Variants in ADRA1B observed in about 807,000 individuals in gnomAD.
The protein encoded by ADRA1B is adrenoceptor alpha 1B.
A neutral mutation model predicts 17.9 loss-of-function variants in ADRA1B; 17 were observed. The observed-to-expected ratio is 0.95, with a 90% CI of 0.65 to 1.42. The LOEUF (loss-of-function observed/expected upper bound fraction) is 1.42. Among genes scored for constraint, ADRA1B ranks in the 40% most tolerant of loss-of-function variants. The probability of loss-of-function intolerance (pLI) is 0.00; values close to 1 mark genes in which losing one functional copy is unlikely to be tolerated. For missense variants in ADRA1B, 681 were observed against 722.1 expected (o/e 0.94, Z 0.65); for synonymous variants, 366 against 327.6 (o/e 1.12, Z -1.27).
the ADRA1B span, among the ~76,000 whole-genome samples, chr5:159,979,195 C>T: frequency 5.3e-5 from 8 of 152,202 alleles, no homozygotes; most frequent in South Asian, 4.1e-4. Context: ...ACCTTACATA[C>T]AAGGTAGAAA....
the ADRA1B span, among the ~76,000 whole-genome samples, chr5:159,988,092 T>A: frequency 6.6e-6 from 1 of 152,098 alleles, no homozygotes; most frequent in South Asian, 2.1e-4. Context: ...CAAGGGGTCT[T>A]ATAAGAGGAA....
intron 1 of ADRA1B, among the ~76,000 whole-genome samples, chr5:159,881,341 C>G (rs1352887319): frequency 1.3e-5 from 2 of 150,922 alleles, no homozygotes; most frequent in Non-Finnish European, 3.0e-5. Flanking sequence ...CTCTCTCTCT[C>G]TCTCTGCCCT....
intron 1 of ADRA1B, among the ~76,000 whole-genome samples, chr5:159,957,376 C>A (rs568035489): frequency 6.6e-6 from 1 of 151,228 alleles, no homozygotes; most frequent in African/African-American, 2.4e-5. Context: ...TGCCATTGTG[C>A]GCACCTTTAG....
chr5:159,867,028 T>A (rs981360688), intron 1 of ADRA1B: 6 of 152,206 alleles, frequency 3.9e-5, no homozygotes, highest in African/African-American at 1.4e-4. Context: ...CTTGAAGCGA[T>A]GTCCAACCTG....
chr5:159,889,303 C>A (rs1430419318), intron 1 of ADRA1B, among the ~76,000 whole-genome samples: 1 of 152,160 alleles, frequency 6.6e-6, no homozygotes, highest in Non-Finnish European at 1.5e-5. Context: ...CCATAGTTCT[C>A]CAATTCAAGG....
intron 1 of ADRA1B, among the ~76,000 whole-genome samples, chr5:159,873,615 C>A (rs1490056591): frequency 6.6e-6 from 1 of 152,240 alleles, no homozygotes; most frequent in Admixed American, 6.5e-5. Context: ...CTGACTATGA[C>A]AGCCTATGAC....
Position 159,917,843 on chromosome 5 carries a change from C to T in ADRA1B, c.938C>T (p.Ala313Val), listed in dbSNP as rs1357001467. Residue 313 changes from alanine (A) to valine (V), a missense_variant, in exon 1 of 2, where the codon GCT becomes GTT. Ala to Val is a moderately conservative substitution (Grantham distance 64, BLOSUM62 0). Around this residue, in one of 3 missense-constraint regions of ADRA1B, gnomAD observed 424 missense variants for 480.2 expected, o/e 0.88. Coordinates refer to ENST00000306675, the MANE Select transcript of ADRA1B (RefSeq NM_000679.4). ...FILCWLPFFI[A>V]LPLGSLFSTL... is the part of the protein sequence containing the mutation. ...TTGTGCTGGCTACCCTTCTTCATCG[C>T]TCTACCGCTTGGTAAGTTGGGGACT... 1 of 1,602,766 alleles carries T rather than the reference C, an allele frequency of 6.2e-7. No homozygotes were observed. Among genetic ancestry groups the T allele is most frequent in the Non-Finnish European group, 8.5e-7 (1 of 1,175,610 alleles).
intron 1 of ADRA1B, among the ~76,000 whole-genome samples, chr5:159,945,633 G>A (rs1316796754): frequency 6.6e-6 from 1 of 152,198 alleles, no homozygotes; most frequent in African/African-American, 2.4e-5. Context: ...TATCCTGTGA[G>A]GCCTTGTAGG....
Position 159,972,281 on chromosome 5 carries a change from G to A in ADRA1B, c.1352G>A (p.Gly451Asp), listed in dbSNP as rs1174081502. Residue 451 changes from glycine to aspartate, a missense_variant, in exon 2 of 2, where the codon GGC (glycine) becomes GAC (aspartate). By Grantham distance (94) the Gly-to-Asp change is moderately conservative. Coordinates refer to ENST00000306675, the MANE Select transcript of ADRA1B (RefSeq NM_000679.4). ...LCAFPEWKAPGALLSLPAPEP... is the reference protein window; with the variant it reads ...LCAFPEWKAPDALLSLPAPEP... ...GCCTTCCCCGAGTGGAAGGCGCCCG[G>A]CGCCCTCCTGAGCCTGCCCGCGCCT... The A allele has an allele frequency of 4.4e-6, 6 of 1,372,718 alleles. No individual in the cohort carries two copies. Among genetic ancestry groups the A allele is most frequent in the Non-Finnish European group, 5.6e-6 (6 of 1,065,702 alleles). 85.0% of individuals were successfully genotyped at this position (1,372,718 alleles called of 1,614,324 possible). A position where few individuals can be genotyped will look rare whatever the true frequency, so the allele number is the denominator to read the frequency against.
rs544545819 is a variant in ADRA1B, at chr5:159,909,849, G to T, written c.-255-6270G>T. Among the ~76,000 whole-genome samples, 10 of 152,328 alleles carry T rather than the reference G, an allele frequency of 6.6e-5. No individual in the cohort carries two copies. In the South Asian group the frequency reaches 2.1e-3, roughly 32 times the overall value. Reference sequence around the variant, plus strand: ...AACAAAATGGAAATCAATTGATCAAGGGGCCCTGCCAAGGACTTGGCACTT... The same window carrying T: ...AACAAAATGGAAATCAATTGATCAATGGGCCCTGCCAAGGACTTGGCACTT... On this transcript the variant is annotated intron_variant, in intron 1 of 2. Coordinates refer to the ADRA1B transcript ENST00000641205.
rs1754349019 is a variant in ADRA1B, at chr5:159,917,383, A to T, written c.478A>T (p.Arg160Trp). ...SLQYPTLVTR[R>W]KAILALLSVW... The stretch of plus-strand genomic sequence containing the variant: ...GCAGTATCCCACGCTGGTCACCCGG[A>T]GGAAGGCCATCTTGGCGCTGCTCAG... Residue 160 changes from arginine (R) to tryptophan (W), a missense_variant, in exon 1 of 2, where the codon AGG becomes TGG. This residue lies in a region of ADRA1B where 424 missense variants were observed against 480.2 expected (regional missense o/e 0.88). Coordinates refer to ENST00000306675, the MANE Select transcript of ADRA1B (RefSeq NM_000679.4). 2 of 1,614,004 alleles carry T rather than the reference A, an allele frequency of 1.2e-6. No homozygotes were observed. Among genetic ancestry groups the T allele is most frequent in the Non-Finnish European group, 1.7e-6 (2 of 1,180,028 alleles).
At chr5:159,911,236 T>C (rs1355153898) in intron 1 of ADRA1B, among the ~76,000 whole-genome samples, 1 of 152,158 alleles carries the variant, frequency 6.6e-6, no homozygotes, top group Non-Finnish European at 1.5e-5. Context: ...GCCAGAGCCA[T>C]TCAAGAAGGC....
chr5:159,899,676 G>A (rs550489544), intron 1 of ADRA1B, among the ~76,000 whole-genome samples: 35 of 152,320 alleles, frequency 2.3e-4, no homozygotes, highest in African/African-American at 8.4e-4. Context: ...GCACCCGGCA[G>A]CCCTACTCCT....
chr5:159,959,634 A>G (rs556697815), intron 1 of ADRA1B, among the ~76,000 whole-genome samples: 1 of 152,330 alleles, frequency 6.6e-6, no homozygotes, highest in East Asian at 1.9e-4. Context: ...ATTACATGGC[A>G]CTGAATTATC....
intron 1 of ADRA1B, among the ~76,000 whole-genome samples, chr5:159,881,198 A>AG (rs1350387668): frequency 2.0e-5 from 3 of 151,550 alleles, no homozygotes; most frequent in Non-Finnish European, 4.4e-5. Context: ...AAAAAAAAAA[A>AG]AAAAAAAAAT....
chr5:159,880,440 T>C lies in ADRA1B; in HGVS notation c.-256+15234T>C, dbSNP rs532020743. Among the ~76,000 whole-genome samples, 19 of 152,332 alleles carry C rather than the reference T, an allele frequency of 1.2e-4. No individual in the cohort carries two copies. In the South Asian group the frequency reaches 3.5e-3, roughly 28 times the overall value. The stretch of plus-strand genomic sequence containing the variant: ...AACAGGCCTATAGAAGTTAAATAAC[T>C]GGCCTAAAATTACAAAGACCATGTG... On this transcript the variant is annotated intron_variant, in intron 1 of 2. Coordinates refer to the ADRA1B transcript ENST00000641205.
At chr5:159,965,815 C>T (rs895758948) in intron 1 of ADRA1B, among the ~76,000 whole-genome samples, 139 of 152,274 alleles carry the variant, frequency 9.1e-4, no homozygotes, top group African/African-American at 3.1e-3. Context: ...TCTCTGACTT[C>T]ATGAGGGATC....
chr5:159,975,688 C>A (rs10214093), downstream of ADRA1B, among the ~76,000 whole-genome samples: 6,407 of 152,256 alleles, frequency 0.042, 218 homozygotes, highest in Middle Eastern at 0.085. Flanking sequence ...TGGCTTACAT[C>A]CCCTAGAGGG....
At chr5:159,973,956 C>T (rs1390424299), downstream of ADRA1B, among the ~76,000 whole-genome samples, 3 of 152,200 alleles carry the variant, frequency 2.0e-5, no homozygotes, top group Non-Finnish European at 4.4e-5. Context: ...CATCCCATCC[C>T]TTTTTTTCTT....
Sources: allele counts gnomAD v4.1 joint callset (sites outside exome capture counted in the v4.1 genomes callset), GRCh38; gene constraint gnomAD v4.1.1; regional missense constraint gnomAD v4.1.1; transcripts MANE v1.5; gene names NCBI Gene and HGNC (gene_info 2026-07-23, HGNC 2026-07-21).